The following TPRX1 variants were observed in gnomAD, a reference collection of about 807,000 sequenced individuals.
TPRX1 encodes the protein tetra-peptide repeat homeobox protein 1.
A neutral mutation model predicts 8.1 loss-of-function variants in TPRX1; 2 were observed. The ratio of observed to expected loss-of-function variants is 0.25; its 90% CI spans 0.10 to 0.78. The LOEUF (loss-of-function observed/expected upper bound fraction) is 0.78, where lower values mean the gene tolerates loss of function less well. TPRX1 is among the 30% of genes least tolerant of loss of function. The probability of loss-of-function intolerance (pLI) is 0.70; values close to 1 mark genes in which losing one functional copy is unlikely to be tolerated. For synonymous variants in TPRX1, 257 were observed against 254.1 expected (o/e 1.01, Z -0.11); for missense variants, 517 against 586.9 (o/e 0.88, Z 1.23).
chr19:47,815,162 A>ATATATATATGCAAATATATATATATATAT (rs1360730858), intron 2 of TPRX1, among the ~76,000 whole-genome samples: 2 of 74,710 alleles, frequency 2.7e-5, no homozygotes, highest in African/African-American at 1.0e-4. Context: ...ATATATATAT[A>ATATATATATGCAAATATATATATATATAT]TTTTTTTTTT....
chr19:47,808,831 A>G (rs1483088883), intron 2 of TPRX1, among the ~76,000 whole-genome samples: 2 of 152,192 alleles, frequency 1.3e-5, no homozygotes, highest in African/African-American at 2.4e-5. Context: ...ATCAGTGTTC[A>G]GTGTAACATT....
At chr19:47,802,110 C>G (rs1381386379) in exon 4 of TPRX1, 7 of 1,585,844 alleles carry the variant, frequency 4.4e-6, no homozygotes, top group Non-Finnish European at 6.0e-6. Context: ...GGGGCTAGGC[C>G]TGGAAGTGAG....
At chr19:47,816,734 A>C (rs11668241) in intron 2 of TPRX1, among the ~76,000 whole-genome samples, 1 of 151,016 alleles carries the variant, frequency 6.6e-6, no homozygotes, top group Non-Finnish European at 1.5e-5. Flanking sequence ...GGGTTTCACC[A>C]TGTTAGCCAG....
chr19:47,806,928 G>A (rs924744759), intron 2 of TPRX1, among the ~76,000 whole-genome samples: 8 of 151,784 alleles, frequency 5.3e-5, no homozygotes, highest in Admixed American at 2.0e-4. Flanking sequence ...TTGAGATGGC[G>A]TCTTGCCCTG....
At chr19:47,809,957 T>G (rs1300881757) in intron 2 of TPRX1, among the ~76,000 whole-genome samples, 1 of 151,906 alleles carries the variant, frequency 6.6e-6, no homozygotes, top group African/African-American at 2.4e-5. Context: ...AAGAAGGGAT[T>G]ATGAAATCCA....
At chr19:47,809,897 G>A (rs557289526) in intron 2 of TPRX1, among the ~76,000 whole-genome samples, 1 of 152,112 alleles carries the variant, frequency 6.6e-6, no homozygotes, top group African/African-American at 2.4e-5. Flanking sequence ...GTCTTCTGAA[G>A]CCTGGGGCAA....
At chr19:47,815,129 T>TATATATGCAA (rs1555800034) in intron 2 of TPRX1, among the ~76,000 whole-genome samples, 3 of 101,790 alleles carry the variant, frequency 2.9e-5, no homozygotes, top group African/African-American at 7.2e-5. Context: ...TATATATATA[T>TATATATGCAA]ATATATATAT....
intron 2 of TPRX1, among the ~76,000 whole-genome samples, chr19:47,805,663 A>G (rs775577035): frequency 2.0e-5 from 3 of 152,212 alleles, no homozygotes; most frequent in Admixed American, 2.0e-4. Flanking sequence ...GTTCTGCTGT[A>G]GAAAGCAGCA....
intron 2 of TPRX1, among the ~76,000 whole-genome samples, chr19:47,817,992 G>A (rs757905203): frequency 3.9e-5 from 6 of 152,162 alleles, no homozygotes; most frequent in Non-Finnish European, 8.8e-5. Context: ...GTAGAAGCAG[G>A]GATTCATGGC....
At chr19:47,808,569 G>T (rs1331963379) in intron 2 of TPRX1, among the ~76,000 whole-genome samples, 2 of 149,146 alleles carry the variant, frequency 1.3e-5, no homozygotes, top group Non-Finnish European at 3.0e-5. Flanking sequence ...GAGTAGCTGG[G>T]ACTACAGGCG....
At chr19:47,802,962 G>A (rs1192589092) in exon 4 of TPRX1, 2 of 1,538,818 alleles carry the variant, frequency 1.3e-6, no homozygotes, top group Non-Finnish European at 8.7e-7. Context: ...AGTTTGGCGC[G>A]GCGATTCTTG....
intron 2 of TPRX1, among the ~76,000 whole-genome samples, chr19:47,817,915 G>T (rs534019686): frequency 6.6e-6 from 1 of 152,226 alleles, no homozygotes; most frequent in Admixed American, 6.5e-5. Flanking sequence ...TGCCGCATCC[G>T]TAGGCTCCTC....
chr19:47,803,955 C>T lies in TPRX1; in HGVS notation c.152-282G>A, dbSNP rs966625714. ...GGCCTGCTCAACCCTCCCCAGCTGC[C>T]CCGTCCCCTCCCATCCAAGGGTTAT... is the stretch of plus-strand genomic sequence containing the variant. On this transcript the variant is annotated intron_variant, in intron 2 of 3. Transcript: ENST00000535759. 3.3e-5 allele frequency among the ~76,000 whole-genome samples: 5 copies of T among 151,954 alleles called. 1 individual carries two copies. The East Asian group carries it at 7.8e-4, about 24-fold the overall frequency.
chr19:47,802,817 G>T lies in TPRX1; in HGVS notation c.485C>A (p.Ala162Glu), dbSNP rs765477630. 2.0e-5 allele frequency: 32 copies of T among 1,600,980 alleles called. No individual in the cohort carries two copies. In the Admixed American group the frequency reaches 2.5e-4, roughly 13 times the overall value. ...GAGGCTGCAGATCGTGGGTTCCGCC[G>T]CTGGAAGGATTCCCGAGGGGCCCCG... The change falls in exon 4 of 4, where the codon GCG becomes GAG. Residue 162 changes from alanine to glutamate, a missense_variant. Ala to Glu is a moderately radical substitution (Grantham distance 107, BLOSUM62 -1). Coordinates refer to ENST00000535759, the Ensembl canonical transcript of TPRX1.
intron 2 of TPRX1, among the ~76,000 whole-genome samples, chr19:47,810,989 C>T (rs1967777518): frequency 1.4e-5 from 2 of 142,276 alleles, no homozygotes; most frequent in African/African-American, 2.6e-5. Flanking sequence ...TGTCCTTGCT[C>T]TCTGTTTTTT....
At position 47,802,689 on chromosome 19, in the gene TPRX1, G is replaced by A. The variant is rs1967689947; in HGVS notation, c.613C>T (p.Gln205Ter). The A allele has an allele frequency of 1.9e-6, 3 of 1,574,372 alleles. No homozygotes were observed. The highest frequency in any genetic ancestry group is 2.3e-5 in the East Asian group (1 of 43,000). Residue 205 changes from glutamine (Q) to a stop codon, truncating the protein, a stop_gained, in exon 4 of 4, where the codon CAG becomes TAG. Transcript: ENST00000535759. LOFTEE classifies it low-confidence loss of function (END_TRUNC). ...GAGCCAGGGAGTGGGCCTGGGATCT[G>A]GGCTGGGCCTGGGATTGGGGCAGGG...
intron 2 of TPRX1, chr19:47,818,415 C>CAT: frequency 2.4e-5 from 11 of 452,064 alleles, no homozygotes; most frequent in Admixed American, 1.7e-4. Flanking sequence ...TCCATCCATC[C>CAT]CTCCGTCCAT....
At position 47,818,351 on chromosome 19, in the gene TPRX1, TC is replaced by T. The variant is rs1464147324; in HGVS notation, c.151+116del. 20 of 323,616 alleles carry T rather than the reference TC, an allele frequency of 6.2e-5. 1 individual carries two copies. Among genetic ancestry groups the T allele is most frequent in the African/African-American group, 3.0e-4 (8 of 26,648 alleles). The allele number at this position is 323,616 out of a possible 1,614,324, so 20.0% of individuals were successfully genotyped here. A position where few individuals can be genotyped will look rare whatever the true frequency, so the allele number is the denominator to read the frequency against. On this transcript the variant is annotated intron_variant, in intron 2 of 3. Coordinates refer to ENST00000535759, the Ensembl canonical transcript of TPRX1. Reference sequence around the variant, plus strand: ...CATCCATCCATCCATCATCCATCCATCCATCCATCCATCCATCATCCATCAC... The same window carrying T: ...CATCCATCCATCCATCATCCATCCATCATCCATCCATCCATCATCCATCAC...
At chr19:47,817,600 T>G (rs1232247106) in intron 2 of TPRX1, among the ~76,000 whole-genome samples, 2 of 152,156 alleles carry the variant, frequency 1.3e-5, no homozygotes, top group South Asian at 2.1e-4. Context: ...TTTAAATCTC[T>G]TTGGCCCCCG....
Sources: allele counts gnomAD v4.1 joint callset (sites outside exome capture counted in the v4.1 genomes callset), GRCh38; gene constraint gnomAD v4.1.1; transcripts MANE v1.5; gene names NCBI Gene and HGNC (gene_info 2026-07-23, HGNC 2026-07-21).